ARID5B: variants seen among roughly 807,000 people sequenced by gnomAD.
ARID5B encodes AT-rich interaction domain 5B.
In ARID5B, 13 loss-of-function variants were observed where a neutral mutation model predicts 97.2. The ratio of observed to expected loss-of-function variants is 0.13; its 90% CI spans 0.09 to 0.21. The LOEUF (loss-of-function observed/expected upper bound fraction) is 0.21, where lower values mean the gene tolerates loss of function less well. Ranked by LOEUF, ARID5B falls within the 10% of genes least tolerant of loss-of-function variation. The pLI, the probability that ARID5B is intolerant of heterozygous loss-of-function variation, is 1.00. For missense variants in ARID5B, 1,210 were observed against 1,465.3 expected, an observed-to-expected ratio of 0.83 and a Z score of 2.84; for synonymous variants, 556 against 570.3, an observed-to-expected ratio of 0.97 and a Z score of 0.36.
intron 2 of ARID5B, among the ~76,000 whole-genome samples, chr10:61,928,813 T>G (rs1844153195): frequency 6.6e-6 from 1 of 152,234 alleles, no homozygotes; most frequent in Admixed American, 6.5e-5. Context: ...GAGTGGCAAC[T>G]ACTTATCTGT....
chr10:61,929,043 C>A (rs903052406), intron 2 of ARID5B, among the ~76,000 whole-genome samples: 7 of 152,154 alleles, frequency 4.6e-5, no homozygotes, highest in African/African-American at 1.4e-4. Context: ...CATGCACCTG[C>A]CAGGAATGGT....
chr10:62,006,704 G>A (rs1390675134), intron 4 of ARID5B, among the ~76,000 whole-genome samples: 7 of 152,178 alleles, frequency 4.6e-5, no homozygotes, highest in East Asian at 1.9e-4. Context: ...TTGGGCAGAG[G>A]CCTCAGAAGC....
chr10:62,052,641 T>C (rs894953324), intron 5 of ARID5B, among the ~76,000 whole-genome samples: 2 of 152,172 alleles, frequency 1.3e-5, no homozygotes, highest in African/African-American at 4.8e-5. Flanking sequence ...GGAAGGCAGC[T>C]CAGAACTCAC....
At chr10:61,975,144 T>C (rs1174207277) in intron 3 of ARID5B, among the ~76,000 whole-genome samples, 1 of 152,166 alleles carries the variant, frequency 6.6e-6, no homozygotes, top group Non-Finnish European at 1.5e-5. Flanking sequence ...AAAGCAGCTG[T>C]GCAACCCAGA....
intron 2 of ARID5B, among the ~76,000 whole-genome samples, chr10:61,930,253 T>G (rs1844179980): frequency 6.6e-6 from 1 of 152,202 alleles, no homozygotes; most frequent in African/African-American, 2.4e-5. Context: ...AGATGTTGGG[T>G]AGGTGTTCTC....
intron 2 of ARID5B, among the ~76,000 whole-genome samples, chr10:61,911,960 A>C (rs1843812237): frequency 6.6e-6 from 1 of 152,190 alleles, no homozygotes; most frequent in Non-Finnish European, 1.5e-5. Flanking sequence ...CGCCTACCCC[A>C]ACCCTCCACC....
chr10:61,912,346 C>G (rs1843820126), intron 2 of ARID5B, among the ~76,000 whole-genome samples: 1 of 151,980 alleles, frequency 6.6e-6, no homozygotes, highest in South Asian at 2.1e-4. Context: ...ATCTGGAGAT[C>G]TAATGTATAG....
intron 3 of ARID5B, among the ~76,000 whole-genome samples, chr10:61,998,578 G>A (rs944435939): frequency 5.9e-5 from 9 of 152,228 alleles, no homozygotes; most frequent in Admixed American, 3.3e-4. Context: ...GTTTACAAAT[G>A]AGCACAAAAT....
chr10:61,932,231 A>T (rs528866781), intron 2 of ARID5B, among the ~76,000 whole-genome samples: 72 of 152,296 alleles, frequency 4.7e-4, no homozygotes, highest in African/African-American at 1.6e-3. Flanking sequence ...TACATACCAT[A>T]ATTTAAAAAT....
intron 2 of ARID5B, among the ~76,000 whole-genome samples, chr10:61,907,792 C>T (rs948591704): frequency 4.6e-5 from 7 of 152,210 alleles, no homozygotes; most frequent in Non-Finnish European, 7.3e-5. Context: ...TGGAATGTGG[C>T]CATGCTAATT....
At chr10:62,064,171 T>C (rs1402824524) in intron 7 of ARID5B, among the ~76,000 whole-genome samples, 1 of 152,230 alleles carries the variant, frequency 6.6e-6, no homozygotes, top group African/African-American at 2.4e-5. Flanking sequence ...TTTGACATCA[T>C]TTTTAAGACA....
chr10:61,977,825 T>C (rs1350712186), intron 3 of ARID5B, among the ~76,000 whole-genome samples: 8 of 152,372 alleles, frequency 5.3e-5, no homozygotes, highest in Non-Finnish European at 1.0e-4. Flanking sequence ...TTCACTCTGA[T>C]GGTAGTTTCT....
chr10:62,050,178 C>A (rs994368698), intron 4 of ARID5B, among the ~76,000 whole-genome samples: 1 of 152,278 alleles, frequency 6.6e-6, no homozygotes. Flanking sequence ...ATCAGGCTAA[C>A]CCCAGTGTAA....
chr10:62,002,031 C>T (rs1022154075), intron 4 of ARID5B, among the ~76,000 whole-genome samples: 3 of 152,062 alleles, frequency 2.0e-5, no homozygotes, highest in Non-Finnish European at 4.4e-5. Context: ...TCCTACTTGC[C>T]GCTCAAGAGG....
chr10:61,917,299 A>G (rs998631277), intron 2 of ARID5B, among the ~76,000 whole-genome samples: 1 of 152,110 alleles, frequency 6.6e-6, no homozygotes, highest in Middle Eastern at 3.2e-3. Flanking sequence ...CTAGATTTTC[A>G]TGTGATTTTA....
intron 3 of ARID5B, among the ~76,000 whole-genome samples, chr10:61,994,556 CA>C (rs1361611055): frequency 1.3e-5 from 2 of 152,126 alleles, no homozygotes; most frequent in Non-Finnish European, 2.9e-5. Flanking sequence ...TGTACAAAGA[CA>C]ACTTGAGCAA....
At chr10:61,983,484 T>A (rs1838804682) in intron 3 of ARID5B, among the ~76,000 whole-genome samples, 5 of 152,234 alleles carry the variant, frequency 3.3e-5, no homozygotes. Context: ...GAAAAGTCGC[T>A]AAATGGAGCT....
chr10:61,980,576 C>A (rs1376278519), intron 3 of ARID5B, among the ~76,000 whole-genome samples: 1 of 152,130 alleles, frequency 6.6e-6, no homozygotes, highest in East Asian at 1.9e-4. Context: ...CACGTTAAAC[C>A]AGTTGCAAAT....
intron 8 of ARID5B, among the ~76,000 whole-genome samples, chr10:62,071,350 A>C (rs1347207504): frequency 6.6e-6 from 1 of 152,062 alleles, no homozygotes; most frequent in Non-Finnish European, 1.5e-5. Flanking sequence ...TTTTTACTAG[A>C]AACTCTGTCC....
Sources: allele counts gnomAD v4.1 joint callset (sites outside exome capture counted in the v4.1 genomes callset), GRCh38; gene constraint gnomAD v4.1.1; transcripts MANE v1.5; gene names NCBI Gene and HGNC (gene_info 2026-07-23, HGNC 2026-07-21).